Variants in PRKCG observed in about 807,000 individuals in gnomAD.
The protein encoded by PRKCG is protein kinase C gamma type.
PRKCG carries 28 observed loss-of-function variants against 82.0 expected under a neutral mutation model. The ratio of observed to expected loss-of-function variants is 0.34; its 90% CI spans 0.25 to 0.47. PRKCG has a LOEUF of 0.47. Among genes scored for constraint, PRKCG ranks in the 20% least tolerant of loss-of-function variants. PRKCG has a pLI of 1.00. For synonymous variants in PRKCG, 383 were observed against 376.6 expected (o/e 1.02, Z -0.20); for missense variants, 640 against 952.7 (o/e 0.67, Z 4.32).
At position 53,906,314 on chromosome 19, in the gene PRKCG, C is replaced by T. The variant is rs2068810486; in HGVS notation, c.1765-3C>T. ...TGTCTGTCTCTCTCTGTGTTTCCCACAGTTCCTGACCAAGCACCCAGGGAA... is the reference window on the plus strand; with the variant it reads ...TGTCTGTCTCTCTCTGTGTTTCCCATAGTTCCTGACCAAGCACCCAGGGAA... On this transcript the variant is annotated splice_region_variant and splice_polypyrimidine_tract_variant and intron_variant, in intron 16 of 17. Transcript: ENST00000263431. 1 of 1,551,274 alleles carries T rather than the reference C, an allele frequency of 6.4e-7. No homozygotes were observed. Among genetic ancestry groups the T allele is most frequent in the South Asian group, 1.2e-5 (1 of 84,050 alleles).
In PRKCG at chr19:53,892,389, G is replaced by A. The variant is rs1272790302; in HGVS notation, c.687-120G>A. ...CTGGGAAGGTCAGAGGTCGGAGACC[G>A]ACAAAGCAGGAGAGGAGCCCCAGCT... On this transcript the variant is annotated intron_variant, in intron 6 of 17. Coordinates refer to ENST00000263431, the MANE Select transcript of PRKCG (RefSeq NM_002739.5). The surrounding 1 kb of genome is among the most constrained non-coding windows in gnomAD (Gnocchi z 5.9). 3.0e-5 allele frequency: 44 copies of A among 1,471,216 alleles called. No homozygotes were observed. Among genetic ancestry groups the A allele is most frequent in the Non-Finnish European group, 3.8e-5 (42 of 1,093,686 alleles). 91.1% of individuals were successfully genotyped at this position (1,471,216 alleles called of 1,614,324 possible). A position where few individuals can be genotyped will look rare whatever the true frequency, so the allele number is the denominator to read the frequency against.
chr19:53,882,803 A>G lies in PRKCG; in HGVS notation c.170+139A>G, dbSNP rs890557092. 1.6e-6 allele frequency: 2 copies of G among 1,248,754 alleles called. No homozygotes were observed. Among genetic ancestry groups the G allele is most frequent in the African/African-American group, 3.0e-5 (2 of 65,940 alleles). 77.4% of individuals were successfully genotyped at this position (1,248,754 alleles called of 1,614,324 possible). On this transcript the variant is annotated intron_variant, in intron 1 of 17. Transcript: ENST00000263431. This position sits in a 1 kb window ranked among gnomAD's most constrained non-coding sequence, Gnocchi z 6.1. ...TCTAGGATGGCCAGGGAACGCTGGG[A>G]GCTTCGACTCCTGGGTTTCAGTGAG...
In PRKCG at chr19:53,892,873, C is replaced by T. The variant is rs2068689840; in HGVS notation, c.822-115C>T. The T allele has an allele frequency of 2.7e-6, 3 of 1,116,482 alleles. No homozygotes were observed. The highest frequency in any genetic ancestry group is 2.6e-5 in the South Asian group (2 of 76,110). The allele number at this position is 1,116,482 out of a possible 1,614,324, so 69.2% of individuals were successfully genotyped here. A position where few individuals can be genotyped will look rare whatever the true frequency, so the allele number is the denominator to read the frequency against. ...CCTCTCTTTTTATCTCACTCTTTCT[C>T]TCTTCCATCTCTGTGTCCGTCTCTC... is the stretch of plus-strand genomic sequence containing the variant. On this transcript the variant is annotated intron_variant, in intron 7 of 17. Coordinates refer to ENST00000263431, the MANE Select transcript of PRKCG (RefSeq NM_002739.5). This position sits in a 1 kb window ranked among gnomAD's most constrained non-coding sequence, Gnocchi z 5.9.
rs555959666 is a variant in PRKCG, at chr19:53,892,869, TTCTC to T, written c.822-115_822-112del. ...TCTCCCTCTCTTTTTATCTCACTCTTTCTCTCTTCCATCTCTGTGTCCGTCTCTC... is the reference window on the plus strand; with the variant it reads ...TCTCCCTCTCTTTTTATCTCACTCTTTCTTCCATCTCTGTGTCCGTCTCTC... On this transcript the variant is annotated intron_variant, in intron 7 of 17. Transcript: ENST00000263431. This position sits in a 1 kb window ranked among gnomAD's most constrained non-coding sequence, Gnocchi z 5.9. The T allele has an allele frequency of 9.0e-7, 1 of 1,105,400 alleles. No homozygotes were observed. The highest frequency in any genetic ancestry group is 1.3e-5 in the South Asian group (1 of 75,686). The allele number at this position is 1,105,400 out of a possible 1,614,324, so 68.5% of individuals were successfully genotyped here.
Position 53,892,748 on chromosome 19 carries a change from A to ATG in PRKCG, c.821+106_821+107dup, listed in dbSNP as rs1599945891. The ATG allele has an allele frequency of 6.4e-6, 8 of 1,258,646 alleles. No individual in the cohort carries two copies. The highest frequency in any genetic ancestry group is 4.2e-5 in the South Asian group (3 of 72,154). The allele number at this position is 1,258,646 out of a possible 1,614,324, so 78.0% of individuals were successfully genotyped here. A position where few individuals can be genotyped will look rare whatever the true frequency, so the allele number is the denominator to read the frequency against. ...ACTGTCCTTCCCTCTGCCTCCCAGC[A>ATG]TGCGCACACACACACACACACACAC... On this transcript the variant is annotated intron_variant, in intron 7 of 17. Transcript: ENST00000263431. This position sits in a 1 kb window ranked among gnomAD's most constrained non-coding sequence, Gnocchi z 5.9.
chr19:53,889,545 G>A lies in PRKCG; in HGVS notation c.286-93G>A, dbSNP rs1391767040. ...AGAGATGGAGCCTCAGGCTGACCTA[G>A]AGAGCAAGGCAGGAGGAAAAGATAA... On this transcript the variant is annotated intron_variant, in intron 3 of 17. Coordinates refer to ENST00000263431, the MANE Select transcript of PRKCG (RefSeq NM_002739.5). The surrounding 1 kb of genome is among the most constrained non-coding windows in gnomAD (Gnocchi z 4.4). 1.1e-6 allele frequency: 1 copy of A among 909,176 alleles called. No homozygotes were observed. Among genetic ancestry groups the A allele is most frequent in the African/African-American group, 1.7e-5 (1 of 60,362 alleles). 56.3% of individuals were successfully genotyped at this position (909,176 alleles called of 1,614,324 possible).
intron 17 of PRKCG, 34 bp downstream of exon 17, chr19:53,906,491 C>T: frequency 6.4e-7 from 1 of 1,569,148 alleles, no homozygotes; most frequent in Non-Finnish European, 8.6e-7. Context: ...AAACCTGGTC[C>T]CTGAAGGGGT....
In PRKCG at chr19:53,890,005, A is replaced by G. The variant is rs1225328929; in HGVS notation, c.517A>G (p.Ile173Val). The G allele has an allele frequency of 6.4e-7, 1 of 1,565,012 alleles. No homozygotes were observed. The highest frequency in any genetic ancestry group is 1.4e-5 in the African/African-American group (1 of 73,502). The change falls in exon 5 of 18, where the codon ATC becomes GTC. Residue 173 changes from isoleucine (I) to valine (V), a missense_variant. By Grantham distance (29) the Ile-to-Val change is conservative. This residue lies in a region of PRKCG where 261 missense variants were observed against 312.1 expected (regional missense o/e 0.84). Transcript: ENST00000263431. ...LEIRAPTADEIHVTVGEARNL... is the reference protein window; with the variant it reads ...LEIRAPTADEVHVTVGEARNL... ...GATCCGGGCTCCCACAGCAGATGAG[A>G]TCCACGTAACTGGTGAGGCCCCGCC...
chr19:53,889,918 C>T lies in PRKCG; in HGVS notation c.430C>T (p.Arg144Cys). The T allele has an allele frequency of 6.3e-7, 1 of 1,583,644 alleles. No individual in the cohort carries two copies. The highest frequency in any genetic ancestry group is 1.2e-5 in the South Asian group (1 of 86,932). ...GATGAACGTGCACCGGCGCTGTGTG[C>T]GTAGCGTGCCCTCCCTGTGCGGTGT... ...CEMNVHRRCVRSVPSLCGVDH... is the reference protein window; with the variant it reads ...CEMNVHRRCVCSVPSLCGVDH... The change falls in exon 5 of 18, where the codon CGT (arginine) becomes TGT (cysteine). Residue 144 changes from arginine to cysteine, a missense_variant. This residue lies in a region of PRKCG where 261 missense variants were observed against 312.1 expected (regional missense o/e 0.84). Coordinates refer to ENST00000263431, the MANE Select transcript of PRKCG (RefSeq NM_002739.5). This position sits in a 1 kb window ranked among gnomAD's most constrained non-coding sequence, Gnocchi z 4.4.
chr19:53,903,699 T>C (rs2068781272), intron 15 of PRKCG, among the ~76,000 whole-genome samples: 2 of 152,168 alleles, frequency 1.3e-5, no homozygotes, highest in African/African-American at 2.4e-5. Context: ...ACTATGAGTA[T>C]GCCACTGTGT....
At chr19:53,905,100 C>T (rs947654714) in intron 16 of PRKCG, among the ~76,000 whole-genome samples, 1 of 152,128 alleles carries the variant, frequency 6.6e-6, no homozygotes, top group African/African-American at 2.4e-5. Context: ...ACTTTGTGAG[C>T]TTAACTCTCT....
chr19:53,893,339 A>G, intron 8 of PRKCG, 23 bp from the exon 9 acceptor site: 1 of 1,610,550 alleles, frequency 6.2e-7, no homozygotes, highest in Non-Finnish European at 8.5e-7. Flanking sequence ...TGGGACCCTG[A>G]CTCTCTCTTT....
rs560599651 is a variant in PRKCG at position 53,891,939 on chromosome 19, A to G, written c.686+109A>G. 3 of 1,358,512 alleles carry G rather than the reference A, an allele frequency of 2.2e-6. No individual in the cohort carries two copies. In the South Asian group the frequency reaches 3.6e-5, roughly 16 times the overall value. 84.2% of individuals were successfully genotyped at this position (1,358,512 alleles called of 1,614,324 possible). A position where few individuals can be genotyped will look rare whatever the true frequency, so the allele number is the denominator to read the frequency against. On this transcript the variant is annotated intron_variant, in intron 6 of 17. Transcript: ENST00000263431. ...GGAGGGGTTAGGATAGAGGGAACCC[A>G]GAAAAGGGCAGAAGAAGATGGTGGG...
chr19:53,902,890 CAAAAAAAA>C (rs56955659), intron 14 of PRKCG, among the ~76,000 whole-genome samples, 175 bp from the exon 15 acceptor site: 302 of 19,964 alleles, frequency 0.015, no homozygotes, highest in Non-Finnish European at 0.029. Flanking sequence ...GAGACCCTGT[CAAAAAAAA>C]AAAAAAAAAA....
Position 53,907,198 on chromosome 19 carries a change from A to C in PRKCG, c.*303A>C. On this transcript the variant is annotated 3_prime_UTR_variant, in exon 18 of 18. Coordinates refer to ENST00000263431, the MANE Select transcript of PRKCG (RefSeq NM_002739.5). ...CACACCACTAACCATCCCCAACTCC[A>C]TGGGGTTCGAGACTCCATCTTGGTA... 206 of 461,218 alleles carry C rather than the reference A, an allele frequency of 4.5e-4. No homozygotes were observed. The highest frequency in any genetic ancestry group is 2.5e-3 in the Middle Eastern group (4 of 1,576). 28.6% of individuals were successfully genotyped at this position (461,218 alleles called of 1,614,324 possible).
At chr19:53,890,043 C>T (rs1463437302) in intron 5 of PRKCG, 26 bp downstream of exon 5, 1 of 1,545,652 alleles carries the variant, frequency 6.5e-7, no homozygotes, top group Non-Finnish European at 8.7e-7. Flanking sequence ...CTCGCCTGGC[C>T]CCGCCCCCTC....
intron 3 of PRKCG, among the ~76,000 whole-genome samples, chr19:53,885,818 A>G (rs2122979928): frequency 6.6e-6 from 1 of 152,222 alleles, no homozygotes; most frequent in South Asian, 2.1e-4. Flanking sequence ...ACTGTCTACC[A>G]GCACGTGTAT....
intron 5 of PRKCG, 30 bp downstream of exon 5, chr19:53,890,047 C>T (rs966123283): frequency 3.9e-6 from 6 of 1,543,920 alleles, no homozygotes; most frequent in Middle Eastern, 4.5e-4. Flanking sequence ...CCTGGCCCCG[C>T]CCCCTCCCCA....
At position 53,887,019 on chromosome 19, in the gene PRKCG, T is replaced by G. The variant is rs553631970; in HGVS notation, c.286-2619T>G. Among the ~76,000 whole-genome samples the G allele has an allele frequency of 2.6e-5, 4 of 152,186 alleles. No individual in the cohort carries two copies. In the South Asian group the frequency reaches 6.2e-4, roughly 24 times the overall value. On this transcript the variant is annotated intron_variant, in intron 3 of 17. Coordinates refer to ENST00000263431, the MANE Select transcript of PRKCG (RefSeq NM_002739.5). ...TTATTATGACCAATGAGGAAACGAG[T>G]GAATAGTGAGAAGGAGATCTTTCCT...
Sources: gnomAD v4.1 joint callset for allele counts (sites outside exome capture counted in the v4.1 genomes callset) on GRCh38, gnomAD v4.1.1 for gene constraint, gnomAD v4.1.1 regional missense constraint, Gnocchi (gnomAD v3.1) non-coding constraint, MANE v1.5 for transcripts, NCBI Gene and HGNC (gene_info 2026-07-23, HGNC 2026-07-21) for gene names.